The following CRB1 variants were observed in gnomAD, a reference collection of about 807,000 sequenced individuals.
CRB1 encodes crumbs cell polarity complex component 1.
CRB1 carries 83 observed loss-of-function variants against 120.0 expected under a neutral mutation model. That is an observed-to-expected ratio of 0.69 (90% CI 0.58 to 0.83). The LOEUF is 0.83. Among genes scored for constraint, CRB1 ranks in the 40% least tolerant of loss-of-function variants. CRB1 has a pLI of 0.00. For synonymous variants in CRB1, 625 were observed against 612.5 expected (o/e 1.02, Z -0.30); for missense variants, 1,699 against 1,687.6 (o/e 1.01, Z -0.12).
intron 1 of CRB1, among the ~76,000 whole-genome samples, chr1:197,292,321 A>C (rs961086118): frequency 6.6e-6 from 1 of 152,190 alleles, no homozygotes; most frequent in African/African-American, 2.4e-5. Flanking sequence ...AATCTAGAAG[A>C]AATGGATAAA....
intron 11 of CRB1, among the ~76,000 whole-genome samples, chr1:197,472,365 T>C (rs1285281828): frequency 6.6e-6 from 1 of 152,208 alleles, no homozygotes; most frequent in Non-Finnish European, 1.5e-5. Context: ...AACATACTTC[T>C]GTTGGTTTTA....
intron 5 of CRB1, among the ~76,000 whole-genome samples, chr1:197,416,869 C>T (rs1161551152): frequency 1.3e-5 from 2 of 152,126 alleles, no homozygotes; most frequent in African/African-American, 2.4e-5. Context: ...GCCACCACGC[C>T]TGGCTAATTT....
At chr1:197,382,389 A>T (rs2125402148) in intron 5 of CRB1, among the ~76,000 whole-genome samples, 1 of 152,318 alleles carries the variant, frequency 6.6e-6, no homozygotes, top group Non-Finnish European at 1.5e-5. Flanking sequence ...AAAATGTGAT[A>T]AACTAGTGAT....
At chr1:197,334,360 C>G (rs1446755209) in intron 2 of CRB1, among the ~76,000 whole-genome samples, 1 of 152,148 alleles carries the variant, frequency 6.6e-6, no homozygotes, top group Non-Finnish European at 1.5e-5. Flanking sequence ...ATTGCCTCCT[C>G]CAATACTCAT....
intron 1 of CRB1, among the ~76,000 whole-genome samples, chr1:197,291,005 C>G (rs1239226294): frequency 6.6e-6 from 1 of 151,704 alleles, no homozygotes; most frequent in Non-Finnish European, 1.5e-5. Flanking sequence ...CTAAAATATA[C>G]TGTGGACATT....
chr1:197,466,431 A>T (rs879939812), intron 11 of CRB1, among the ~76,000 whole-genome samples: 13 of 152,200 alleles, frequency 8.5e-5, no homozygotes, highest in Non-Finnish European at 1.9e-4. Flanking sequence ...TGAATTACTG[A>T]GAGACTTATT....
At chr1:197,432,919 G>C (rs547583914) in intron 8 of CRB1, among the ~76,000 whole-genome samples, 1 of 152,128 alleles carries the variant, frequency 6.6e-6, no homozygotes, top group Non-Finnish European at 1.5e-5. Flanking sequence ...AAAGGCCTGC[G>C]CTGGGAACAA....
At chr1:197,403,170 A>G (rs541517510) in intron 5 of CRB1, among the ~76,000 whole-genome samples, 2 of 152,222 alleles carry the variant, frequency 1.3e-5, no homozygotes, top group Non-Finnish European at 2.9e-5. Context: ...CACTAGGAAT[A>G]CATAATGTAT....
intron 1 of CRB1, among the ~76,000 whole-genome samples, chr1:197,301,261 G>A (rs1656845475): frequency 6.6e-6 from 1 of 151,918 alleles, no homozygotes; most frequent in South Asian, 2.1e-4. Flanking sequence ...TGCCTGCTGG[G>A]TTCAAATGAT....
chr1:197,468,628 C>G (rs993829309), intron 11 of CRB1, among the ~76,000 whole-genome samples: 11 of 152,048 alleles, frequency 7.2e-5, no homozygotes, highest in Non-Finnish European at 1.6e-4. Flanking sequence ...TGGGAAGTTC[C>G]AGAGTAACAA....
At chr1:197,361,812 A>G (rs893622924) in intron 5 of CRB1, among the ~76,000 whole-genome samples, 10 of 149,150 alleles carry the variant, frequency 6.7e-5, no homozygotes, top group Admixed American at 2.0e-4. Flanking sequence ...CTGTTTTCCT[A>G]TTTGCAATTT....
At chr1:197,242,208 A>G in the CRB1 span, among the ~76,000 whole-genome samples, 6 of 151,922 alleles carry the variant, frequency 3.9e-5, no homozygotes, top group African/African-American at 1.4e-4. Context: ...CCTGGCCAGA[A>G]CTCTGTTGAT....
chr1:197,454,023 C>A (rs1409987301), intron 11 of CRB1, among the ~76,000 whole-genome samples: 1 of 146,296 alleles, frequency 6.8e-6, no homozygotes, highest in Non-Finnish European at 1.5e-5. Flanking sequence ...TGAGGTCTCA[C>A]TCATGTTGCC....
At chr1:197,303,542 A>G (rs1358794959) in intron 1 of CRB1, among the ~76,000 whole-genome samples, 1 of 151,848 alleles carries the variant, frequency 6.6e-6, no homozygotes, top group Non-Finnish European at 1.5e-5. Context: ...AATATTATCT[A>G]CCATCTAGCT....
intron 2 of CRB1, among the ~76,000 whole-genome samples, chr1:197,343,844 A>G (rs1374974201): frequency 6.6e-6 from 1 of 152,198 alleles, no homozygotes; most frequent in African/African-American, 2.4e-5. Context: ...CCAAGGTCAT[A>G]CAGCTAATAA....
chr1:197,276,760 G>T (rs1187981097), intron 1 of CRB1, among the ~76,000 whole-genome samples: 5 of 151,846 alleles, frequency 3.3e-5, no homozygotes, highest in Non-Finnish European at 4.4e-5. Context: ...AGTAAAACAG[G>T]GCAAATTAGG....
intron 1 of CRB1, among the ~76,000 whole-genome samples, chr1:197,289,799 C>T (rs550442154): frequency 4.6e-5 from 7 of 151,448 alleles, no homozygotes; most frequent in Non-Finnish European, 8.9e-5. Flanking sequence ...GATCTGTTTG[C>T]CTTTTAAAAT....
At chr1:197,427,306 C>G in intron 6 of CRB1, 148 bp from the exon 7 acceptor site, 1 of 664,038 alleles carries the variant, frequency 1.5e-6, no homozygotes, top group East Asian at 2.7e-5. Context: ...ATAAACCTGT[C>G]CTGAACTTTA....
chr1:197,408,410 T>C (rs1248411475), intron 5 of CRB1, among the ~76,000 whole-genome samples: 2 of 152,206 alleles, frequency 1.3e-5, no homozygotes, highest in South Asian at 2.1e-4. Flanking sequence ...AATACAACCA[T>C]TTATGCAGTA....
Sources: gnomAD v4.1 joint callset for allele counts (sites outside exome capture counted in the v4.1 genomes callset) on GRCh38, gnomAD v4.1.1 for gene constraint, MANE v1.5 for transcripts, NCBI Gene and HGNC (gene_info 2026-07-23, HGNC 2026-07-21) for gene names.